Variants in CSMD1 observed in about 807,000 individuals in gnomAD.
The protein encoded by CSMD1 is CUB and Sushi multiple domains 1.
Under a neutral mutation model 417.5 loss-of-function variants are expected in CSMD1, and 213 were observed. That is an observed-to-expected ratio of 0.51 (90% CI 0.46 to 0.57). The LOEUF is 0.57. Among genes scored for constraint, CSMD1 ranks in the 20% least tolerant of loss-of-function variants. CSMD1 has a pLI of 0.00. For missense variants in CSMD1, 6,923 were observed against 4,529.7 expected (o/e 1.53, Z -15.17); for synonymous variants, 2,862 against 1,736.8 (o/e 1.65, Z -16.11).
chr8:3,779,143 G>T (rs1184492141), intron 5 of CSMD1, among the ~76,000 whole-genome samples: 1 of 135,734 alleles, frequency 7.4e-6, no homozygotes, highest in South Asian at 2.6e-4. Context: ...CACTATGCGT[G>T]CATACTTGTG....
chr8:3,074,270 T>A (rs1316075670), intron 49 of CSMD1, among the ~76,000 whole-genome samples: 1 of 152,186 alleles, frequency 6.6e-6, no homozygotes, highest in African/African-American at 2.4e-5. Flanking sequence ...CTCTGACCAG[T>A]AAGAACTCTG....
At chr8:4,000,318 C>T (rs889904778) in intron 4 of CSMD1, among the ~76,000 whole-genome samples, 1 of 152,258 alleles carries the variant, frequency 6.6e-6, no homozygotes, top group African/African-American at 2.4e-5. Flanking sequence ...CAGCTCGCCA[C>T]AGTTTTTATT....
At chr8:4,756,018 C>G (rs1357342582) in intron 1 of CSMD1, among the ~76,000 whole-genome samples, 1 of 152,160 alleles carries the variant, frequency 6.6e-6, no homozygotes, top group South Asian at 2.1e-4. Flanking sequence ...AAGTCATTTG[C>G]TAATTGTTTA....
At chr8:3,679,700 C>A (rs1231819995) in intron 7 of CSMD1, among the ~76,000 whole-genome samples, 3 of 152,060 alleles carry the variant, frequency 2.0e-5, no homozygotes, top group East Asian at 3.9e-4. Flanking sequence ...AGACATCTAC[C>A]TAACTCTCCA....
chr8:3,291,257 G>T (rs1299340689), intron 25 of CSMD1, among the ~76,000 whole-genome samples: 1 of 152,102 alleles, frequency 6.6e-6, no homozygotes, highest in African/African-American at 2.4e-5. Flanking sequence ...TTGCATCGAT[G>T]TTCATAAGGG....
At chr8:3,032,727 C>T (rs1011136408) in intron 50 of CSMD1, among the ~76,000 whole-genome samples, 5 of 151,928 alleles carry the variant, frequency 3.3e-5, no homozygotes, top group Non-Finnish European at 7.4e-5. Context: ...CTACACTCAA[C>T]CCCCCCAACT....
At chr8:4,902,574 A>C (rs538186791) in intron 1 of CSMD1, among the ~76,000 whole-genome samples, 1 of 152,364 alleles carries the variant, frequency 6.6e-6, no homozygotes, top group Admixed American at 6.5e-5. Context: ...AGAATTAGAA[A>C]ATATTATGCT....
chr8:4,087,970 A>T (rs1800507544), intron 3 of CSMD1, among the ~76,000 whole-genome samples: 1 of 152,126 alleles, frequency 6.6e-6, no homozygotes. Context: ...ATCCAAGAGA[A>T]AAGCTCACTT....
chr8:3,861,497 T>A (rs1804707491), intron 5 of CSMD1, among the ~76,000 whole-genome samples: 1 of 152,192 alleles, frequency 6.6e-6, no homozygotes, highest in South Asian at 2.1e-4. Context: ...GTGAGGGCTG[T>A]GCCTTTGAAC....
chr8:3,172,407 G>A (rs1191002156), intron 37 of CSMD1, among the ~76,000 whole-genome samples: 1 of 152,054 alleles, frequency 6.6e-6, no homozygotes, highest in Non-Finnish European at 1.5e-5. Flanking sequence ...AGGCATTGCT[G>A]TCATCTGCAT....
chr8:3,443,559 G>A (rs903755567), intron 12 of CSMD1, among the ~76,000 whole-genome samples: 5 of 152,110 alleles, frequency 3.3e-5, no homozygotes, highest in Admixed American at 2.0e-4. Flanking sequence ...ATTTACAGGG[G>A]GAAAGTGAAA....
chr8:3,237,870 TA>T (rs1799255076), intron 26 of CSMD1, among the ~76,000 whole-genome samples: 2 of 28,216 alleles, frequency 7.1e-5, no homozygotes. Flanking sequence ...ATAATTTTTA[TA>T]ATTATACTAT....
intron 2 of CSMD1, among the ~76,000 whole-genome samples, chr8:4,569,769 T>A (rs1438723185): frequency 2.6e-5 from 4 of 152,228 alleles, no homozygotes; most frequent in African/African-American, 7.2e-5. Flanking sequence ...TTTCTATCCA[T>A]GAGCATGGAA....
chr8:4,886,480 AG>A (rs1803748266), intron 1 of CSMD1, among the ~76,000 whole-genome samples: 1 of 151,878 alleles, frequency 6.6e-6, no homozygotes, highest in African/African-American at 2.4e-5. Context: ...ATGTCTTTTT[AG>A]TTTATTGGCA....
At chr8:3,369,397 C>T (rs270096) in intron 18 of CSMD1, 27 bp from the exon 19 acceptor site, 1,116,569 of 1,118,814 alleles carry the variant, frequency 1, 557,200 homozygotes, top group East Asian at 1. Context: ...GAGATGATTA[C>T]AGCACTAAAG....
At chr8:4,042,846 G>T (rs572597692) in intron 3 of CSMD1, among the ~76,000 whole-genome samples, 1 of 56,914 alleles carries the variant, frequency 1.8e-5, no homozygotes, top group Non-Finnish European at 4.3e-5. Context: ...AAAAAAAGCA[G>T]GCTGGGCACG....
intron 5 of CSMD1, among the ~76,000 whole-genome samples, chr8:3,950,698 C>A (rs1018606642): frequency 1.3e-5 from 2 of 152,044 alleles, no homozygotes; most frequent in African/African-American, 4.8e-5. Flanking sequence ...CATTATGGAG[C>A]ACAGGATAAA....
intron 12 of CSMD1, among the ~76,000 whole-genome samples, chr8:3,416,177 TGTA>T (rs1813134337): frequency 6.7e-5 from 2 of 29,834 alleles, no homozygotes; most frequent in Non-Finnish European, 2.2e-4. Flanking sequence ...GGGGGGCGCC[TGTA>T]ATTCCCAGCT....
chr8:3,529,892 T>G (rs1416578911), intron 10 of CSMD1, among the ~76,000 whole-genome samples: 2 of 152,180 alleles, frequency 1.3e-5, no homozygotes, highest in Non-Finnish European at 2.9e-5. Flanking sequence ...GCAAGCTGCT[T>G]ATGGAAAGCC....
Sources: allele counts gnomAD v4.1 joint callset (sites outside exome capture counted in the v4.1 genomes callset), GRCh38; gene constraint gnomAD v4.1.1; transcripts MANE v1.5; gene names NCBI Gene and HGNC (gene_info 2026-07-23, HGNC 2026-07-21).